The following TTC39C variants were observed in gnomAD, a reference collection of about 807,000 sequenced individuals.
The protein encoded by TTC39C is tetratricopeptide repeat protein 39C.
TTC39C carries 33 observed loss-of-function variants against 76.3 expected under a neutral mutation model. The observed-to-expected ratio is 0.43, with a 90% CI of 0.33 to 0.58. The LOEUF is 0.58. Among genes scored for constraint, TTC39C ranks in the 20% least tolerant of loss-of-function variants. TTC39C has a pLI of 0.04. For missense variants in TTC39C, 595 were observed against 701.4 expected, an observed-to-expected ratio of 0.85 and a Z score of 1.71; for synonymous variants, 254 against 260.6, an observed-to-expected ratio of 0.97 and a Z score of 0.24.
At chr18:24,054,889 G>T (rs114910655) in intron 1 of TTC39C, among the ~76,000 whole-genome samples, 1 of 151,926 alleles carries the variant, frequency 6.6e-6, no homozygotes, top group Admixed American at 6.6e-5. Context: ...TTAAAGAATG[G>T]CTCCCCATTC....
At chr18:24,088,143 A>G (rs2084469199) in intron 6 of TTC39C, among the ~76,000 whole-genome samples, 1 of 152,232 alleles carries the variant, frequency 6.6e-6, no homozygotes, top group Non-Finnish European at 1.5e-5. Flanking sequence ...ATCTCCTAAG[A>G]AGGGGACCAA....
chr18:24,003,587 C>T (rs755188519), intron 1 of TTC39C, among the ~76,000 whole-genome samples: 7 of 151,976 alleles, frequency 4.6e-5, no homozygotes, highest in Non-Finnish European at 8.8e-5. Context: ...TCTGGGATAA[C>T]CTGCAGTTTA....
intron 1 of TTC39C, among the ~76,000 whole-genome samples, chr18:24,034,047 T>C (rs537650251): frequency 2.0e-5 from 3 of 152,202 alleles, no homozygotes; most frequent in African/African-American, 7.2e-5. Flanking sequence ...GGACTGTGGA[T>C]GTGCAGCCAC....
rs757443728 is a variant in TTC39C, at chr18:24,131,931, T to C, written c.1662+11T>C. Reference sequence around the variant, plus strand: ...CTTCTTCAAGCAAAGGTAAATATCCTGAATCTACCTTTCTCCAGTGGCCCT... The same window carrying C: ...CTTCTTCAAGCAAAGGTAAATATCCCGAATCTACCTTTCTCCAGTGGCCCT... On this transcript the variant is annotated intron_variant, in intron 13 of 13. Coordinates refer to ENST00000317571, the MANE Select transcript of TTC39C (RefSeq NM_001135993.2). The C allele has an allele frequency of 1.4e-5, 23 of 1,612,186 alleles. No individual in the cohort carries two copies. Among genetic ancestry groups the C allele is most frequent in the Non-Finnish European group, 2.0e-5 (23 of 1,178,926 alleles).
chr18:24,029,302 C>T (rs572960959), intron 1 of TTC39C, among the ~76,000 whole-genome samples: 3 of 152,074 alleles, frequency 2.0e-5, no homozygotes, highest in East Asian at 1.9e-4. Flanking sequence ...GGGGTTTTTC[C>T]GTGTTGGCCA....
At chr18:24,039,757 A>G (rs968336705) in intron 1 of TTC39C, among the ~76,000 whole-genome samples, 6 of 152,176 alleles carry the variant, frequency 3.9e-5, no homozygotes, top group African/African-American at 1.4e-4. Context: ...CATAGCCCAC[A>G]TGGGGTCTGG....
intron 6 of TTC39C, among the ~76,000 whole-genome samples, chr18:24,109,595 T>G (rs1464126838): frequency 1.3e-5 from 2 of 152,232 alleles, no homozygotes; most frequent in Non-Finnish European, 2.9e-5. Flanking sequence ...ATTTATATAG[T>G]TCAGAGCACA....
At chr18:24,113,996 A>T (rs2145808602) in intron 6 of TTC39C, 1 of 364,112 alleles carries the variant, frequency 2.7e-6, no homozygotes, top group African/African-American at 2.1e-5. Context: ...GCAAACTATC[A>T]ACTGTATGGT....
At chr18:23,999,978 A>T (rs1174949031) in intron 1 of TTC39C, among the ~76,000 whole-genome samples, 2 of 152,220 alleles carry the variant, frequency 1.3e-5, no homozygotes, top group Non-Finnish European at 2.9e-5. Flanking sequence ...GAAACTGAAG[A>T]GTGGGCTTAT....
intron 6 of TTC39C, among the ~76,000 whole-genome samples, chr18:24,098,470 T>C (rs2084622981): frequency 7.7e-6 from 1 of 129,488 alleles, no homozygotes; most frequent in African/African-American, 3.0e-5. Context: ...TTCCTTTCTT[T>C]TCTCCTCTCC....
intron 1 of TTC39C, 34 bp downstream of exon 1, chr18:24,015,072 A>G (rs1161233435): frequency 2.5e-5 from 34 of 1,387,488 alleles, no homozygotes; most frequent in Non-Finnish European, 3.2e-5. Flanking sequence ...CCAACCCTGC[A>G]GCGCGCACCT....
chr18:24,018,992 A>G (rs796497852), intron 1 of TTC39C, among the ~76,000 whole-genome samples: 2 of 152,306 alleles, frequency 1.3e-5, no homozygotes, highest in African/African-American at 4.8e-5. Context: ...ACCATTGTCC[A>G]CAGCGTGGCT....
intron 6 of TTC39C, chr18:24,114,116 C>T (rs759448317): frequency 3.8e-6 from 1 of 265,824 alleles, no homozygotes; most frequent in Non-Finnish European, 7.3e-6. Context: ...AAATATGGTC[C>T]CTTCCCTTTC....
chr18:24,044,910 C>T (rs1293812713), intron 1 of TTC39C, among the ~76,000 whole-genome samples: 1 of 152,174 alleles, frequency 6.6e-6, no homozygotes, highest in Non-Finnish European at 1.5e-5. Flanking sequence ...ACCACTGAGA[C>T]CTTGCTAGTC....
chr18:24,097,920 A>G (rs1412462721), intron 6 of TTC39C, among the ~76,000 whole-genome samples: 1 of 152,178 alleles, frequency 6.6e-6, no homozygotes, highest in East Asian at 1.9e-4. Flanking sequence ...GACATGTTAT[A>G]GCAAGTTAGT....
rs188724929 is a variant in TTC39C, at chr18:24,045,223, C to G, written c.168-18917C>G. ...GGTGGAGGTAGCAGTGAGTCAAGAT[C>G]ATGCCACTGCACTCCAGCCTGGGTG... On this transcript the variant is annotated intron_variant, in intron 1 of 13. Coordinates refer to ENST00000317571, the MANE Select transcript of TTC39C (RefSeq NM_001135993.2). Among the ~76,000 whole-genome samples, 387 of 144,694 alleles carry G rather than the reference C, an allele frequency of 2.7e-3. 1 individual carries two copies. The highest frequency in any genetic ancestry group is 0.011 in the Middle Eastern group (3 of 274). 94.9% of individuals were successfully genotyped at this position (144,694 alleles called of 152,430 possible). A position where few individuals can be genotyped will look rare whatever the true frequency, so the allele number is the denominator to read the frequency against.
rs1215859552 is a variant in TTC39C at position 24,123,897 on chromosome 18, T to C, written c.1250T>C (p.Leu417Pro). 1 of 1,613,266 alleles carries C rather than the reference T, an allele frequency of 6.2e-7. No homozygotes were observed. Among genetic ancestry groups the C allele is most frequent in the South Asian group, 1.1e-5 (1 of 91,032 alleles). Residue 417 changes from leucine (L) to proline (P), a missense_variant, in exon 9 of 14, where the codon CTC becomes CCC. Physicochemically the swap from Leu to Pro is moderately conservative, Grantham distance 98. Transcript: ENST00000317571. ...ATTGTCTTTAAAGAAGTTCAGAAAC[T>C]CTTCAAAAGGAAAAACAATCAGATT... is the stretch of plus-strand genomic sequence containing the variant. Reference protein sequence around the residue: ...AQIVFKEVQKLFKRKNNQIEQ... With the variant: ...AQIVFKEVQKPFKRKNNQIEQ...
intron 8 of TTC39C, 107 bp downstream of exon 8, chr18:24,118,339 TC>T: frequency 1.4e-6 from 1 of 719,550 alleles, no homozygotes; most frequent in Non-Finnish European, 2.3e-6. Context: ...GTTGTACCCC[TC>T]CACAGCCTTC....
chr18:24,019,844 C>G, intron 1 of TTC39C: 1 of 1,524,570 alleles, frequency 6.6e-7, no homozygotes, highest in Non-Finnish European at 8.7e-7. Flanking sequence ...AATATCTACT[C>G]TCTGGCCTTT....
Sources: gnomAD v4.1 joint callset for allele counts (sites outside exome capture counted in the v4.1 genomes callset) on GRCh38, gnomAD v4.1.1 for gene constraint, MANE v1.5 for transcripts, NCBI Gene and HGNC (gene_info 2026-07-23, HGNC 2026-07-21) for gene names.